Variants in ACAA1 observed in about 807,000 individuals in gnomAD.
The protein encoded by ACAA1 is acetyl-CoA acyltransferase 1.
In ACAA1, 44 loss-of-function variants were observed where a neutral mutation model predicts 48.8. The observed-to-expected ratio is 0.90, with a 90% CI of 0.71 to 1.16. ACAA1 has a LOEUF of 1.16. ACAA1 is among the 50% of genes most tolerant of loss of function. The pLI is 0.00. For missense variants in ACAA1, 512 were observed against 562.3 expected (o/e 0.91, Z 0.90); for synonymous variants, 233 against 226.5 (o/e 1.03, Z -0.26).
Position 38,125,659 on chromosome 3 carries a change from G to A in ACAA1, c.1105C>T (p.Leu369=), listed in dbSNP as rs1559474907. The change falls in exon 11 of 12, where the codon CTG becomes TTG. Residue 369 remains leucine, a synonymous_variant. Coordinates refer to ENST00000333167, the MANE Select transcript of ACAA1 (RefSeq NM_001607.4). The part of the protein sequence containing the change: ...LRLPPEKVNP[L]GGAVALGHPL... ...TGCCCTAAGGCCACTGCACCCCCCA[G>A]GGGGTTCACCTTCTCAGGGGGGAGT... The A allele has an allele frequency of 6.3e-7, 1 of 1,599,268 alleles. No homozygotes were observed. Among genetic ancestry groups the A allele is most frequent in the Non-Finnish European group, 8.5e-7 (1 of 1,171,524 alleles).
chr3:38,128,373 C>T (rs78975307), intron 6 of ACAA1, among the ~76,000 whole-genome samples: 260 of 152,290 alleles, frequency 1.7e-3, no homozygotes, highest in Non-Finnish European at 2.6e-3. Flanking sequence ...CTATGCTTAT[C>T]CTGAGAACCT....
chr3:38,126,594 C>A lies in ACAA1; in HGVS notation c.733G>T (p.Asp245Tyr). ...GTKRSITVTQ[D>Y]EGIRPSTTME... ...GTGGTGCTGGGGCGGATACCCTCAT[C>A]CTGGGTCACAGTGATGCTCCTCTTG... is the stretch of plus-strand genomic sequence containing the variant. The change falls in exon 8 of 12, where the codon GAT (aspartate) becomes TAT (tyrosine). Residue 245 changes from aspartate to tyrosine, a missense_variant. Asp to Tyr is a radical substitution (Grantham distance 160). Transcript: ENST00000333167. The surrounding 1 kb of genome is among the most constrained non-coding windows in gnomAD (Gnocchi z 4.7). 1 of 1,614,168 alleles carries A rather than the reference C, an allele frequency of 6.2e-7. No individual in the cohort carries two copies.
At position 38,127,823 on chromosome 3, in the gene ACAA1, C is replaced by G; in HGVS notation, c.589G>C (p.Glu197Gln). ...GCCAGGGCAAAGGTATCCTGCTTCT[C>G]CCGTGAAATGCCAAACCGCTCAGCC... is the stretch of plus-strand genomic sequence containing the variant. ...NVAERFGISR[E>Q]KQDTFALASQ... Residue 197 changes from glutamate (E) to glutamine (Q), a missense_variant, in exon 7 of 12, where the codon GAG becomes CAG. Transcript: ENST00000333167. 1 of 1,614,168 alleles carries G rather than the reference C, an allele frequency of 6.2e-7. No homozygotes were observed. The highest frequency in any genetic ancestry group is 8.5e-7 in the Non-Finnish European group (1 of 1,180,042).
In ACAA1 at chr3:38,122,928, G is replaced by T. The variant is rs981823340; in HGVS notation, c.*119C>A. ...CAAATGAGTTGAAGTGCCTTGATCT[G>T]TCCACTGCCACCACCACCAGTGCTG... On this transcript the variant is annotated 3_prime_UTR_variant, in exon 12 of 12. Coordinates refer to ENST00000333167, the MANE Select transcript of ACAA1 (RefSeq NM_001607.4). The T allele has an allele frequency of 1.9e-6, 2 of 1,051,772 alleles. No homozygotes were observed. Among genetic ancestry groups the T allele is most frequent in the South Asian group, 1.4e-5 (1 of 72,982 alleles). The allele number at this position is 1,051,772 out of a possible 1,614,324, so 65.2% of individuals were successfully genotyped here. A position where few individuals can be genotyped will look rare whatever the true frequency, so the allele number is the denominator to read the frequency against.
At chr3:38,125,372 AACTCACT>A in intron 11 of ACAA1, 186 bp downstream of exon 11, 1 of 507,682 alleles carries the variant, frequency 2.0e-6, no homozygotes, top group Non-Finnish European at 3.2e-6. Flanking sequence ...CAATCAAGAT[AACTCACT>A]ACCTCTGGAC....
At position 38,122,820 on chromosome 3, in the gene ACAA1, T is replaced by C. The variant is rs1700560952; in HGVS notation, c.*227A>G. The C allele has an allele frequency of 1.3e-5, 11 of 878,150 alleles. No homozygotes were observed. Among genetic ancestry groups the C allele is most frequent in the South Asian group, 1.8e-5 (1 of 54,174 alleles). The allele number at this position is 878,150 out of a possible 1,614,324, so 54.4% of individuals were successfully genotyped here. A position where few individuals can be genotyped will look rare whatever the true frequency, so the allele number is the denominator to read the frequency against. On this transcript the variant is annotated 3_prime_UTR_variant, in exon 12 of 12. Transcript: ENST00000333167. ...TGGCCTGGGTGACCCAGGCTGCTTT[T>C]ATCTTGCACAGCTAAAGAGGGTCTG... is the stretch of plus-strand genomic sequence containing the variant.
Position 38,136,998 on chromosome 3 carries a change from C to A in ACAA1, c.38G>T (p.Gly13Val), listed in dbSNP as rs1700920876. The change falls in exon 1 of 12, where the codon GGT becomes GTT. Residue 13 changes from glycine to valine, a missense_variant. Coordinates refer to ENST00000333167, the MANE Select transcript of ACAA1 (RefSeq NM_001607.4). ...RLQVVLGHLRGPADSGWMPQA... is the reference protein window; with the variant it reads ...RLQVVLGHLRVPADSGWMPQA... ...CGGCATCCAGCCGGAATCGGCCGGA[C>A]CCCTCAGGTGGCCCAGCACTACCTG... The A allele has an allele frequency of 1.9e-6, 3 of 1,565,424 alleles. No individual in the cohort carries two copies. The highest frequency in any genetic ancestry group is 3.7e-5 in the Admixed American group (2 of 53,584).
chr3:38,131,519 G>A (rs951949733), intron 5 of ACAA1, 77 bp downstream of exon 5: 3 of 1,459,514 alleles, frequency 2.1e-6, no homozygotes, highest in African/African-American at 2.8e-5. Flanking sequence ...TGAAATCATG[G>A]CCTCTGAGAA....
At chr3:38,132,956 A>G (rs1700817242) in intron 3 of ACAA1, among the ~76,000 whole-genome samples, 1 of 152,220 alleles carries the variant, frequency 6.6e-6, no homozygotes, top group East Asian at 1.9e-4. Context: ...TGCGATGCTT[A>G]TAACACTGTG....
At position 38,136,994 on chromosome 3, in the gene ACAA1, C is replaced by A. The variant is rs1003545590; in HGVS notation, c.42G>T (p.Pro14=). The change falls in exon 1 of 12, where the codon CCG becomes CCT. Residue 14 remains proline, a synonymous_variant. Transcript: ENST00000333167. ...CCTGCGGCATCCAGCCGGAATCGGC[C>A]GGACCCCTCAGGTGGCCCAGCACTA... ...LQVVLGHLRG[P]ADSGWMPQAA... is the part of the protein sequence containing the mutation. The A allele has an allele frequency of 4.5e-6, 7 of 1,564,602 alleles. No homozygotes were observed. Among genetic ancestry groups the A allele is most frequent in the South Asian group, 1.2e-5 (1 of 85,124 alleles).
At chr3:38,131,691 A>G in intron 4 of ACAA1, 53 bp from the exon 5 acceptor site, 3 of 1,592,878 alleles carry the variant, frequency 1.9e-6, no homozygotes, top group Non-Finnish European at 2.6e-6. Flanking sequence ...CCTGTTCTGG[A>G]AGCAGTGGAG....
intron 4 of ACAA1, 27 bp from the exon 5 acceptor site, chr3:38,131,665 C>T: frequency 6.2e-7 from 1 of 1,613,710 alleles, no homozygotes; most frequent in Non-Finnish European, 8.5e-7. Context: ...TCATAAACAT[C>T]CTTTGCCAGA....
At chr3:38,130,002 T>C (rs1307958439) in intron 5 of ACAA1, among the ~76,000 whole-genome samples, 1 of 152,172 alleles carries the variant, frequency 6.6e-6, no homozygotes, top group African/African-American at 2.4e-5. Context: ...ATCGTGTCAC[T>C]GCACTCCAGC....
In ACAA1 at chr3:38,126,384, T is replaced by A. The variant is rs774144449; in HGVS notation, c.818-43A>T. ...GGGTAAGAAGGCATCGGGGTGGGGATGAGGAGATCCCAGCCCTCCCACTTC... is the reference window on the plus strand; with the variant it reads ...GGGTAAGAAGGCATCGGGGTGGGGAAGAGGAGATCCCAGCCCTCCCACTTC... On this transcript the variant is annotated intron_variant, in intron 8 of 11. Transcript: ENST00000333167. This position sits in a 1 kb window ranked among gnomAD's most constrained non-coding sequence, Gnocchi z 4.7. 1.2e-6 allele frequency: 2 copies of A among 1,606,436 alleles called. No homozygotes were observed. Among genetic ancestry groups the A allele is most frequent in the African/African-American group, 1.3e-5 (1 of 74,710 alleles).
In ACAA1 at chr3:38,126,098, C is replaced by T. The variant is rs1230058203; in HGVS notation, c.997+64G>A. 14 of 1,567,464 alleles carry T rather than the reference C, an allele frequency of 8.9e-6. No individual in the cohort carries two copies. The highest frequency in any genetic ancestry group is 1.2e-5 in the Non-Finnish European group (14 of 1,150,906). ...AGGACCACCCTCATGCCCCTGGCAACAGCATGCAGGGCAGCTGCAGGATCC... is the reference window on the plus strand; with the variant it reads ...AGGACCACCCTCATGCCCCTGGCAATAGCATGCAGGGCAGCTGCAGGATCC... On this transcript the variant is annotated intron_variant, in intron 9 of 11. Transcript: ENST00000333167. The surrounding 1 kb of genome is among the most constrained non-coding windows in gnomAD (Gnocchi z 4.7).
At chr3:38,125,420 G>T in intron 11 of ACAA1, 145 bp downstream of exon 11, 2 of 1,027,434 alleles carry the variant, frequency 1.9e-6, no homozygotes, top group East Asian at 2.8e-5. Context: ...TTGATCTTTT[G>T]GGATTTCAAC....
chr3:38,133,710 C>T (rs769287973), intron 3 of ACAA1: 5 of 551,916 alleles, frequency 9.1e-6, no homozygotes, highest in East Asian at 3.2e-5. Context: ...GACAACCTGG[C>T]TTTGGCTAAA....
chr3:38,125,570 C>T lies in ACAA1; in HGVS notation c.1194G>A (p.Gly398=). 6.4e-7 allele frequency: 1 copy of T among 1,551,430 alleles called. No individual in the cohort carries two copies. The highest frequency in any genetic ancestry group is 8.7e-7 in the Non-Finnish European group (1 of 1,150,012). The part of the protein sequence containing the change: ...ITLLNELKRR[G]KRAYGVVSMC... ...CGCCAGGAGCAAAGCCTTACCTCTT[C>T]CCACGGCGCTTCAGCTCATTGAGCA... Residue 398 remains glycine (G), a synonymous_variant, in exon 11 of 12, where the codon GGG becomes GGA. Transcript: ENST00000333167.
rs1288957907 is a variant in ACAA1, at chr3:38,136,948, C to A, written c.88G>T (p.Ala30Ser). 6.5e-7 allele frequency: 1 copy of A among 1,546,452 alleles called. No homozygotes were observed. The highest frequency in any genetic ancestry group is 8.7e-7 in the Non-Finnish European group (1 of 1,148,056). The change falls in exon 1 of 12, where the codon GCC (alanine) becomes TCC (serine). Residue 30 changes from alanine (A) to serine (S), a missense_variant. Transcript: ENST00000333167. ...MPQAAPCLSG[A>S]PQASAADVVV... ...ACGTCCGCGGCCGAGGCCTGCGGGGCACCGCTCAGGCAAGGCGCGGCCTGC... is the reference window on the plus strand; with the variant it reads ...ACGTCCGCGGCCGAGGCCTGCGGGGAACCGCTCAGGCAAGGCGCGGCCTGC...
Sources: gnomAD v4.1 joint callset for allele counts (sites outside exome capture counted in the v4.1 genomes callset) on GRCh38, gnomAD v4.1.1 for gene constraint, Gnocchi (gnomAD v3.1) non-coding constraint, MANE v1.5 for transcripts, NCBI Gene and HGNC (gene_info 2026-07-23, HGNC 2026-07-21) for gene names.